The following NTRK1 variants were observed in gnomAD, a reference collection of about 807,000 sequenced individuals.
NTRK1 encodes the protein high affinity nerve growth factor receptor.
A neutral mutation model predicts 86.8 loss-of-function variants in NTRK1; 62 were observed. The ratio of observed to expected loss-of-function variants is 0.71; its 90% CI spans 0.58 to 0.88. The LOEUF is 0.88. Among genes scored for constraint, NTRK1 ranks in the 40% least tolerant of loss-of-function variants. The pLI, the probability that NTRK1 is intolerant of heterozygous loss-of-function variation, is 0.00. For synonymous variants in NTRK1, 469 were observed against 456.6 expected (o/e 1.03, Z -0.35); for missense variants, 967 against 1,078.4 (o/e 0.90, Z 1.45).
intron 2 of NTRK1, chr1:156,851,240 T>C: frequency 6.2e-7 from 1 of 1,607,848 alleles, no homozygotes; most frequent in Non-Finnish European, 8.5e-7. Context: ...TCTGGGAGTG[T>C]TGGAGGAAGG....
upstream of NTRK1, chr1:156,860,725 C>T (rs1571680692): frequency 1.0e-6 from 1 of 992,210 alleles, no homozygotes. Context: ...GGGCCCCTAA[C>T]AGGGGAGGGG....
intron 2 of NTRK1, chr1:156,851,193 C>T (rs760987710): frequency 2.0e-5 from 29 of 1,423,252 alleles, no homozygotes; most frequent in Middle Eastern, 1.7e-4. Flanking sequence ...TAGTGAGTAG[C>T]AAAATTGGTT....
intron 1 of NTRK1, among the ~76,000 whole-genome samples, chr1:156,833,043 T>C (rs74118774): frequency 0.013 from 1,924 of 152,332 alleles, 36 homozygotes; most frequent in African/African-American, 0.044. Flanking sequence ...TAAGGACTTA[T>C]GCCCACCCAT....
chr1:156,872,475 A>G (rs1647618356), intron 7 of NTRK1, among the ~76,000 whole-genome samples: 1 of 152,044 alleles, frequency 6.6e-6, no homozygotes, highest in Non-Finnish European at 1.5e-5. Flanking sequence ...ATTATTTTGT[A>G]TCTGGTTTCT....
rs2102904598 is a variant in NTRK1 at position 156,873,616 on chromosome 1, C to T, written c.851-17C>T. ...GCTGCGCCCTGACCTCCTGCTGTTGCTCTTTCTGGCCCACAGTCCCGGCCA... is the reference window on the plus strand; with the variant it reads ...GCTGCGCCCTGACCTCCTGCTGTTGTTCTTTCTGGCCCACAGTCCCGGCCA... On this transcript the variant is annotated splice_polypyrimidine_tract_variant and intron_variant, in intron 7 of 16. Coordinates refer to ENST00000524377, the MANE Select transcript of NTRK1 (RefSeq NM_002529.4). 6.2e-7 allele frequency: 1 copy of T among 1,608,296 alleles called. No individual in the cohort carries two copies. Among genetic ancestry groups the T allele is most frequent in the South Asian group, 1.1e-5 (1 of 90,608 alleles).
chr1:156,839,398 C>T (rs72698662), intron 1 of NTRK1, among the ~76,000 whole-genome samples: 4,307 of 152,380 alleles, frequency 0.028, 84 homozygotes, highest in Middle Eastern at 0.051. Flanking sequence ...CAGCCCCTCC[C>T]GCTGCCACCC....
chr1:156,866,852 G>T (rs937222645), intron 3 of NTRK1, 58 bp from the exon 4 acceptor site: 15 of 1,553,580 alleles, frequency 9.7e-6, no homozygotes, highest in African/African-American at 1.4e-5. Flanking sequence ...CCTCATTCTG[G>T]TCAGAGTGAG....
At chr1:156,817,051 C>CTCTCTT (rs1371356521) in intron 1 of NTRK1, among the ~76,000 whole-genome samples, 1 of 149,588 alleles carries the variant, frequency 6.7e-6, no homozygotes, top group Non-Finnish European at 1.5e-5. Flanking sequence ...TTCCCTTTCT[C>CTCTCTT]TCTCTCTCTC....
intron 1 of NTRK1, among the ~76,000 whole-genome samples, chr1:156,861,391 G>C (rs1238211427): frequency 6.6e-6 from 1 of 152,232 alleles, no homozygotes; most frequent in Admixed American, 6.5e-5. Flanking sequence ...CAGGGAGATC[G>C]AAGGGGGAAA....
chr1:156,834,776 G>A (rs1236307318), intron 1 of NTRK1, among the ~76,000 whole-genome samples: 1 of 151,438 alleles, frequency 6.6e-6, no homozygotes, highest in Non-Finnish European at 1.5e-5. Flanking sequence ...GTGGGGAGGA[G>A]TGGCTCTGGG....
At chr1:156,825,200 T>C (rs780731122) in intron 1 of NTRK1, among the ~76,000 whole-genome samples, 9 of 152,200 alleles carry the variant, frequency 5.9e-5, no homozygotes, top group Non-Finnish European at 1.2e-4. Flanking sequence ...AGTAGGGACC[T>C]CTCTTATCCT....
Position 156,868,501 on chromosome 1 carries a change from C to T in NTRK1, c.575-4C>T, listed in dbSNP as rs1647311160. On this transcript the variant is annotated splice_region_variant and splice_polypyrimidine_tract_variant and intron_variant, in intron 5 of 16. Coordinates refer to ENST00000524377, the MANE Select transcript of NTRK1 (RefSeq NM_002529.4). The stretch of plus-strand genomic sequence containing the variant: ...CTTGGCCCTCGGGCGTCCTGGGTGG[C>T]CAGGTGTGCCCACGCTGAAGGTCCA... The T allele has an allele frequency of 6.4e-7, 1 of 1,556,802 alleles. No individual in the cohort carries two copies. The highest frequency in any genetic ancestry group is 1.2e-5 in the South Asian group (1 of 84,430).
chr1:156,872,108 C>T (rs1647597339), intron 7 of NTRK1, among the ~76,000 whole-genome samples: 1 of 152,200 alleles, frequency 6.6e-6, no homozygotes, highest in African/African-American at 2.4e-5. Flanking sequence ...GGAAATTCTC[C>T]TCCTGAGTTC....
At chr1:156,840,786 G>A (rs1654744710) in intron 1 of NTRK1, 2 of 1,020,708 alleles carry the variant, frequency 2.0e-6, no homozygotes, top group East Asian at 2.6e-5. Context: ...GAGTTGGGGT[G>A]GGGGTGAACA....
At chr1:156,859,077 C>A (rs1051625096), upstream of NTRK1, 43 of 157,818 alleles carry the variant, frequency 2.7e-4, no homozygotes, top group African/African-American at 9.6e-4. This position sits in a 1 kb window ranked among gnomAD's most constrained non-coding sequence, Gnocchi z 6.2. Context: ...GGGCGCGCGG[C>A]CCCCCAGCGC....
intron 1 of NTRK1, among the ~76,000 whole-genome samples, chr1:156,821,762 C>T (rs1435016024): frequency 6.6e-6 from 1 of 152,192 alleles, no homozygotes; most frequent in African/African-American, 2.4e-5. Flanking sequence ...AAGGTGAAAT[C>T]ACACGTTGGA....
chr1:156,852,856 T>C (rs538199332), intron 2 of NTRK1, among the ~76,000 whole-genome samples: 2 of 151,858 alleles, frequency 1.3e-5, no homozygotes, highest in Admixed American at 6.6e-5. Context: ...ATCAGGGAGG[T>C]GGGGTGCAGC....
chr1:156,875,902 G>A (rs1647873478), intron 12 of NTRK1, 178 bp from the exon 13 acceptor site: 5 of 1,135,460 alleles, frequency 4.4e-6, no homozygotes, highest in Non-Finnish European at 6.5e-6. Context: ...CTCGGGGCAG[G>A]TGCAGCCCCA....
chr1:156,852,976 A>G (rs1655279161), intron 2 of NTRK1, among the ~76,000 whole-genome samples: 1 of 151,284 alleles, frequency 6.6e-6, no homozygotes, highest in South Asian at 2.1e-4. Context: ...AGGTTGGGGG[A>G]CCCCAGATCT....
Sources: gnomAD v4.1 joint callset for allele counts (sites outside exome capture counted in the v4.1 genomes callset) on GRCh38, gnomAD v4.1.1 for gene constraint, Gnocchi (gnomAD v3.1) non-coding constraint, MANE v1.5 for transcripts, NCBI Gene and HGNC (gene_info 2026-07-23, HGNC 2026-07-21) for gene names.